The following SOCS7 variants were observed in gnomAD, a reference collection of about 807,000 sequenced individuals.
SOCS7 encodes NAP-4.
In SOCS7, 18 loss-of-function variants were observed where a neutral mutation model predicts 58.9. The observed-to-expected ratio is 0.31, with a 90% CI of 0.21 to 0.45. The LOEUF (loss-of-function observed/expected upper bound fraction) is 0.45. Among genes scored for constraint, SOCS7 ranks in the 20% least tolerant of loss-of-function variants. The pLI is 1.00. For synonymous variants in SOCS7, 388 were observed against 364.3 expected (o/e 1.06, Z -0.74); for missense variants, 667 against 837.3 (o/e 0.80, Z 2.51).
At chr17:38,385,542 T>C (rs2038058469) in intron 7 of SOCS7, among the ~76,000 whole-genome samples, 1 of 152,008 alleles carries the variant, frequency 6.6e-6, no homozygotes, top group South Asian at 2.1e-4. Context: ...ACCAAAACTT[T>C]TCCAGCCACT....
At chr17:38,375,501 T>G (rs907450221) in intron 6 of SOCS7, among the ~76,000 whole-genome samples, 9 of 152,202 alleles carry the variant, frequency 5.9e-5, no homozygotes, top group Non-Finnish European at 7.3e-5. Context: ...TATTCCTTTT[T>G]CTAGCTTAAT....
rs2037571439 is a variant in SOCS7, at chr17:38,352,664, G to C, written c.612G>C (p.Pro204=). 3 of 1,549,946 alleles carry C rather than the reference G, an allele frequency of 1.9e-6. No homozygotes were observed. Among genetic ancestry groups the C allele is most frequent in the African/African-American group, 1.4e-5 (1 of 73,174 alleles). Residue 204 remains proline, a synonymous_variant, in exon 1 of 10, where the codon CCG becomes CCC. Coordinates refer to ENST00000612932, the MANE Select transcript of SOCS7 (RefSeq NM_014598.4). The surrounding 1 kb of genome is among the most constrained non-coding windows in gnomAD (Gnocchi z 5.5). ...NSCSEEELSS[P]GRGGGGGGRL... The stretch of plus-strand genomic sequence containing the variant: ...GCTCGGAAGAGGAGCTCAGCAGCCC[G>C]GGTCGCGGAGGAGGAGGGGGCGGCC...
rs1366284491 is a variant in SOCS7, at chr17:38,352,671, G to A, written c.619G>A (p.Gly207Arg). The change falls in exon 1 of 10, where the codon GGA becomes AGA. Residue 207 changes from glycine to arginine, a missense_variant. By Grantham distance (125) the Gly-to-Arg change is moderately radical (BLOSUM62 -2). Coordinates refer to ENST00000612932, the MANE Select transcript of SOCS7 (RefSeq NM_014598.4). The surrounding 1 kb of genome is among the most constrained non-coding windows in gnomAD (Gnocchi z 5.5). ...SEEELSSPGR[G>R]GGGGGRLLLQ... ...AGAGGAGCTCAGCAGCCCGGGTCGC[G>A]GAGGAGGAGGGGGCGGCCGGCTTCT... The A allele has an allele frequency of 1.9e-6, 3 of 1,549,736 alleles. No homozygotes were observed. Among genetic ancestry groups the A allele is most frequent in the Admixed American group, 2.0e-5 (1 of 50,970 alleles).
intron 9 of SOCS7, among the ~76,000 whole-genome samples, chr17:38,398,751 T>C (rs2038277559): frequency 1.3e-5 from 2 of 152,132 alleles, no homozygotes; most frequent in African/African-American, 4.8e-5. Context: ...AACAGTGGCC[T>C]TTGTGTTTCT....
intron 1 of SOCS7, 145 bp downstream of exon 1, chr17:38,353,177 G>A (rs1186599358): frequency 6.8e-6 from 5 of 738,518 alleles, no homozygotes; most frequent in South Asian, 1.9e-5. Flanking sequence ...GTAACATCTC[G>A]CATAAGGTCA....
intron 7 of SOCS7, among the ~76,000 whole-genome samples, chr17:38,389,865 G>GTATATA (rs1270608226): frequency 0.02 from 544 of 26,860 alleles, 68 homozygotes; most frequent in African/African-American, 0.056. Context: ...GTGTATGTGT[G>GTATATA]TACATATATA....
chr17:38,363,580 C>G (rs891695118), intron 2 of SOCS7, among the ~76,000 whole-genome samples: 6 of 152,202 alleles, frequency 3.9e-5, no homozygotes, highest in African/African-American at 1.4e-4. Flanking sequence ...AGTGATTCGC[C>G]TACCTTGGCC....
intron 7 of SOCS7, among the ~76,000 whole-genome samples, chr17:38,394,948 G>T (rs1284015703): frequency 6.6e-6 from 1 of 152,204 alleles, no homozygotes; most frequent in African/African-American, 2.4e-5. Flanking sequence ...TACTCAGGAG[G>T]CTGAGGCGGG....
intron 2 of SOCS7, among the ~76,000 whole-genome samples, chr17:38,363,889 C>A (rs1189079791): frequency 6.6e-6 from 1 of 152,126 alleles, no homozygotes; most frequent in Non-Finnish European, 1.5e-5. Flanking sequence ...GTGCATCAGG[C>A]CTGCCAAAAT....
intron 6 of SOCS7, among the ~76,000 whole-genome samples, chr17:38,375,601 C>G (rs8077815): frequency 0.24 from 35,686 of 151,810 alleles, 5,789 homozygotes; most frequent in African/African-American, 0.45. Context: ...GTCAACAGTA[C>G]GTTGTTAGTA....
chr17:38,389,863 G>GTGTATATATATATATATATATATA lies in SOCS7; in HGVS notation c.1682-5442_1682-5441insTATATATATATATATATATATGTA. 4.2e-3 allele frequency among the ~76,000 whole-genome samples: 94 copies of GTGTATATATATATATATATATATA among 22,320 alleles called. 8 individuals carry two copies. Among genetic ancestry groups the GTGTATATATATATATATATATATA allele is most frequent in the African/African-American group, 0.014 (87 of 6,258 alleles). The allele number at this position is 22,320 out of a possible 152,430, so 14.6% of individuals were successfully genotyped here. ...TAATTTTTTTGTTTGGTGTGTATGT[G>GTGTATATATATATATATATATATA]TGTACATATATATATATATGTACAT... On this transcript the variant is annotated intron_variant, in intron 7 of 9. Transcript: ENST00000612932.
In SOCS7 at chr17:38,403,739, G is replaced by A. The variant is rs2038353694; in HGVS notation, c.*4257G>A. Reference sequence around the variant, plus strand: ...AAGAGAATGACACACCCCCTGTCATGTAAGGGAGGAGCTATTGAGTTAGAC... The same window carrying A: ...AAGAGAATGACACACCCCCTGTCATATAAGGGAGGAGCTATTGAGTTAGAC... On this transcript the variant is annotated 3_prime_UTR_variant, in exon 10 of 10. Coordinates refer to ENST00000612932, the MANE Select transcript of SOCS7 (RefSeq NM_014598.4). The A allele has an allele frequency of 6.6e-6, 1 of 152,158 alleles. No individual in the cohort carries two copies. The highest frequency in any genetic ancestry group is 2.4e-5 in the African/African-American group (1 of 41,430). 9.4% of individuals were successfully genotyped at this position (152,158 alleles called of 1,614,324 possible).
rs569374458 is a variant in SOCS7, at chr17:38,399,590, G to T, written c.*108G>T. On this transcript the variant is annotated 3_prime_UTR_variant, in exon 10 of 10. Transcript: ENST00000612932. The stretch of plus-strand genomic sequence containing the variant: ...AAGAAGAGGAAAAGTGAGGGAACAG[G>T]AAGGTTGGGATTCTCTGTGCAGAGA... 3.3e-5 allele frequency: 5 copies of T among 152,662 alleles called. No individual in the cohort carries two copies. Among genetic ancestry groups the T allele is most frequent in the Non-Finnish European group, 2.9e-5 (2 of 68,042 alleles). The allele number at this position is 152,662 out of a possible 1,614,324, so 9.5% of individuals were successfully genotyped here. A position where few individuals can be genotyped will look rare whatever the true frequency, so the allele number is the denominator to read the frequency against.
At chr17:38,389,928 G>A (rs1252092200) in intron 7 of SOCS7, among the ~76,000 whole-genome samples, 1 of 22,266 alleles carries the variant, frequency 4.5e-5, no homozygotes, top group African/African-American at 1.8e-4. Context: ...GAGAGAGAGA[G>A]TGAGAGAGAG....
chr17:38,390,895 C>T (rs1259267566), intron 7 of SOCS7, among the ~76,000 whole-genome samples: 1 of 151,946 alleles, frequency 6.6e-6, no homozygotes, highest in Non-Finnish European at 1.5e-5. Context: ...GGGGTCTCAC[C>T]GCATTGCCCA....
At chr17:38,369,639 A>G (rs2144342958) in intron 6 of SOCS7, among the ~76,000 whole-genome samples, 1 of 151,622 alleles carries the variant, frequency 6.6e-6, no homozygotes, top group South Asian at 2.1e-4. Flanking sequence ...GTGAGATGCC[A>G]GGAACAAGAG....
intron 6 of SOCS7, among the ~76,000 whole-genome samples, chr17:38,371,719 T>C (rs2037868312): frequency 1.3e-5 from 2 of 151,228 alleles, no homozygotes; most frequent in Admixed American, 1.3e-4. Flanking sequence ...AGTGCTGGGA[T>C]TACAGGTATG....
chr17:38,387,647 A>G (rs1185357157), intron 7 of SOCS7, among the ~76,000 whole-genome samples: 1 of 137,096 alleles, frequency 7.3e-6, no homozygotes, highest in Non-Finnish European at 1.5e-5. Context: ...TATTATATAC[A>G]CTATATATTG....
intron 5 of SOCS7, among the ~76,000 whole-genome samples, chr17:38,367,103 T>C (rs2037799989): frequency 6.6e-6 from 1 of 152,186 alleles, no homozygotes; most frequent in African/African-American, 2.4e-5. Flanking sequence ...TCGCTCTTGT[T>C]GCCCAGGCTG....
Sources: allele counts gnomAD v4.1 joint callset (sites outside exome capture counted in the v4.1 genomes callset), GRCh38; gene constraint gnomAD v4.1.1; non-coding constraint Gnocchi (gnomAD v3.1); transcripts MANE v1.5; gene names NCBI Gene and HGNC (gene_info 2026-07-23, HGNC 2026-07-21).